The following LRRTM2 variants were observed in gnomAD, a reference collection of about 807,000 sequenced individuals.
LRRTM2 encodes the protein leucine-rich repeat transmembrane neuronal protein 2.
A neutral mutation model predicts 40.7 loss-of-function variants in LRRTM2; 14 were observed. The observed-to-expected ratio is 0.34, with a 90% CI of 0.23 to 0.54. The LOEUF is 0.54. Among genes scored for constraint, LRRTM2 ranks in the 20% least tolerant of loss-of-function variants. LRRTM2 has a pLI of 0.92. For missense variants in LRRTM2, 468 were observed against 624.4 expected, an observed-to-expected ratio of 0.75 and a Z score of 2.67; for synonymous variants, 223 against 237.6, an observed-to-expected ratio of 0.94 and a Z score of 0.57.
rs1220214677 is a variant in LRRTM2 at position 138,870,080 on chromosome 5, A to G, written c.*2930T>C. 1.3e-5 allele frequency: 2 copies of G among 152,126 alleles called. No homozygotes were observed. Among genetic ancestry groups the G allele is most frequent in the Non-Finnish European group, 2.9e-5 (2 of 68,018 alleles). 9.4% of individuals were successfully genotyped at this position (152,126 alleles called of 1,614,324 possible). A position where few individuals can be genotyped will look rare whatever the true frequency, so the allele number is the denominator to read the frequency against. The stretch of plus-strand genomic sequence containing the variant: ...ATTATTTTTCTGGTTCTTAATGGTC[A>G]TTTTCCTCTAATCTTAAAAATAGAA... On this transcript the variant is annotated 3_prime_UTR_variant, in exon 2 of 2. Transcript: ENST00000274711.
In LRRTM2 at chr5:138,869,115, T is replaced by C. The variant is rs1358533775; in HGVS notation, c.*3895A>G. 1 of 150,840 alleles carries C rather than the reference T, an allele frequency of 6.6e-6. No individual in the cohort carries two copies. 9.3% of individuals were successfully genotyped at this position (150,840 alleles called of 1,614,324 possible). ...AACACAATGTATTTGGACTGTACTT[T>C]GAGTTTCCAGTCTCAGTGTTGATAG... On this transcript the variant is annotated 3_prime_UTR_variant, in exon 2 of 2. Coordinates refer to ENST00000274711, the MANE Select transcript of LRRTM2 (RefSeq NM_015564.3).
chr5:138,874,810 A>C lies in LRRTM2; in HGVS notation c.4+98T>G. 2 of 1,214,946 alleles carry C rather than the reference A, an allele frequency of 1.6e-6. No individual in the cohort carries two copies. Among genetic ancestry groups the C allele is most frequent in the Non-Finnish European group, 2.4e-6 (2 of 836,776 alleles). 75.3% of individuals were successfully genotyped at this position (1,214,946 alleles called of 1,614,324 possible). ...TTACCTAAACCTCAAAATCCAAAAT[A>C]TGATGGTGATTTCCCTCATAAAATG... On this transcript the variant is annotated intron_variant, in intron 1 of 1. Coordinates refer to ENST00000274711, the MANE Select transcript of LRRTM2 (RefSeq NM_015564.3). This position sits in a 1 kb window ranked among gnomAD's most constrained non-coding sequence, Gnocchi z 4.1.
rs1468899740 is a variant in LRRTM2, at chr5:138,874,893, A to G, written c.4+15T>C. The G allele has an allele frequency of 4.3e-6, 7 of 1,611,626 alleles. No individual in the cohort carries two copies. Among genetic ancestry groups the G allele is most frequent in the Non-Finnish European group, 5.9e-6 (7 of 1,178,604 alleles). ...CCTTGTTGAATGTACAAGACATATA[A>G]ATGCACAGACTTACCCATTCTTCTG... On this transcript the variant is annotated intron_variant, in intron 1 of 1. Transcript: ENST00000274711. This position sits in a 1 kb window ranked among gnomAD's most constrained non-coding sequence, Gnocchi z 4.1.
At position 138,874,521 on chromosome 5, in the gene LRRTM2, G is replaced by T; in HGVS notation, c.40C>A (p.Leu14Met). Reference sequence around the variant, plus strand: ...ATACTCATTGCATATATTGCTGCCAGCATAGGGGCCCCTAATGGCCACTTG... The same window carrying T: ...ATACTCATTGCATATATTGCTGCCATCATAGGGGCCCCTAATGGCCACTTG... ...HFKWPLGAPM[L>M]AAIYAMSMVL... Residue 14 changes from leucine to methionine, a missense_variant, in exon 2 of 2, where the codon CTG becomes ATG. By Grantham distance (15) the Leu-to-Met change is conservative. Coordinates refer to ENST00000274711, the MANE Select transcript of LRRTM2 (RefSeq NM_015564.3). This position sits in a 1 kb window ranked among gnomAD's most constrained non-coding sequence, Gnocchi z 4.1. 1 of 1,590,136 alleles carries T rather than the reference G, an allele frequency of 6.3e-7. No homozygotes were observed. Among genetic ancestry groups the T allele is most frequent in the Admixed American group, 1.8e-5 (1 of 56,994 alleles).
Position 138,873,844 on chromosome 5 carries a change from G to T in LRRTM2, c.717C>A (p.Asn239Lys). The T allele has an allele frequency of 6.2e-7, 1 of 1,614,024 alleles. No homozygotes were observed. Among genetic ancestry groups the T allele is most frequent in the Non-Finnish European group, 8.5e-7 (1 of 1,179,898 alleles). Residue 239 changes from asparagine (N) to lysine (K), a missense_variant, in exon 2 of 2, where the codon AAC (asparagine) becomes AAA (lysine). Asn to Lys is a moderately conservative substitution (Grantham distance 94, BLOSUM62 0). Transcript: ENST00000274711. This position sits in a 1 kb window ranked among gnomAD's most constrained non-coding sequence, Gnocchi z 6.1. ...SSLHTLFLQWNKISNLTCGME... is the reference protein window; with the variant it reads ...SSLHTLFLQWKKISNLTCGME... ...TCCCACATGTCAAGTTGCTGATTTT[G>T]TTCCATTGTAAGAAGAGCGTGTGCA...
In LRRTM2 at chr5:138,874,535, A is replaced by G. The variant is rs1751076934; in HGVS notation, c.26T>C (p.Leu9Ser). Reference protein sequence around the residue: MGLHFKWPLGAPMLAAIYA... With the variant: MGLHFKWPSGAPMLAAIYA... ...TATTGCTGCCAGCATAGGGGCCCCT[A>G]ATGGCCACTTGAAATGTAAGCCTGC... is the stretch of plus-strand genomic sequence containing the variant. Residue 9 changes from leucine (L) to serine (S), a missense_variant, in exon 2 of 2, where the codon TTA becomes TCA. Transcript: ENST00000274711. The surrounding 1 kb of genome is among the most constrained non-coding windows in gnomAD (Gnocchi z 4.1). The G allele has an allele frequency of 1.3e-6, 2 of 1,575,580 alleles. No homozygotes were observed. Among genetic ancestry groups the G allele is most frequent in the East Asian group, 2.3e-5 (1 of 43,728 alleles).
At position 138,874,210 on chromosome 5, in the gene LRRTM2, A is replaced by G; in HGVS notation, c.351T>C (p.Ser117=). Reference sequence around the variant, plus strand: ...TTGGCAAGTAAAATATTTTGTTGGAACTTAAGATTAATTCCTTAAGTTTAT... The same window carrying G: ...TTGGCAAGTAAAATATTTTGTTGGAGCTTAAGATTAATTCCTTAAGTTTAT... The part of the protein sequence containing the change: ...GLYKLKELIL[S]SNKIFYLPNT... The change falls in exon 2 of 2, where the codon AGT becomes AGC. Residue 117 remains serine (S), a synonymous_variant. Transcript: ENST00000274711. This position sits in a 1 kb window ranked among gnomAD's most constrained non-coding sequence, Gnocchi z 4.1. 2 of 1,613,986 alleles carry G rather than the reference A, an allele frequency of 1.2e-6. No individual in the cohort carries two copies. The highest frequency in any genetic ancestry group is 2.7e-5 in the African/African-American group (2 of 75,036).
Position 138,875,247 on chromosome 5 carries a change from G to T in LRRTM2, c.-336C>A. 3.0e-6 allele frequency: 1 copy of T among 334,746 alleles called. No individual in the cohort carries two copies. The highest frequency in any genetic ancestry group is 4.8e-6 in the Non-Finnish European group (1 of 207,854). The allele number at this position is 334,746 out of a possible 1,614,324, so 20.7% of individuals were successfully genotyped here. A position where few individuals can be genotyped will look rare whatever the true frequency, so the allele number is the denominator to read the frequency against. On this transcript the variant is annotated 5_prime_UTR_variant, in exon 1 of 2. Coordinates refer to ENST00000274711, the MANE Select transcript of LRRTM2 (RefSeq NM_015564.3). ...GTTCTCTTGGTCTTAACTTGTTGAT[G>T]GCAGATGGGTGGCTTGTTGCAGAGA...
rs1323165481 is a variant in LRRTM2, at chr5:138,874,168, T to C, written c.393A>G (p.Gln131=). Residue 131 remains glutamine (Q), a synonymous_variant, in exon 2 of 2, where the codon CAA becomes CAG. Coordinates refer to ENST00000274711, the MANE Select transcript of LRRTM2 (RefSeq NM_015564.3). The surrounding 1 kb of genome is among the most constrained non-coding windows in gnomAD (Gnocchi z 4.1). The part of the protein sequence containing the change: ...IFYLPNTTFT[Q]LINLQNLDLS... ...GGTCCAAATTTTGCAGGTTAATCAG[T>C]TGGGTAAAAGTTGTGTTTGGCAAGT... 3 of 1,613,886 alleles carry C rather than the reference T, an allele frequency of 1.9e-6. No individual in the cohort carries two copies. The highest frequency in any genetic ancestry group is 2.2e-5 in the South Asian group (2 of 91,074).
Position 138,875,037 on chromosome 5 carries a change from A to C in LRRTM2, c.-126T>G. 1.1e-6 allele frequency: 1 copy of C among 924,660 alleles called. No individual in the cohort carries two copies. Among genetic ancestry groups the C allele is most frequent in the East Asian group, 2.4e-5 (1 of 40,878 alleles). The allele number at this position is 924,660 out of a possible 1,614,324, so 57.3% of individuals were successfully genotyped here. The stretch of plus-strand genomic sequence containing the variant: ...CTGTTTTCTGTGTCCCAGGCTTTCC[A>C]AGTAAAATTGAATCCACCAGGACGA... On this transcript the variant is annotated 5_prime_UTR_variant, in exon 1 of 2. Transcript: ENST00000274711.
Position 138,869,811 on chromosome 5 carries a change from A to G in LRRTM2, c.*3199T>C, listed in dbSNP as rs1765171297. On this transcript the variant is annotated 3_prime_UTR_variant, in exon 2 of 2. Coordinates refer to ENST00000274711, the MANE Select transcript of LRRTM2 (RefSeq NM_015564.3). ...GAAATTAACTTAGGCACATTAAGAA[A>G]TTACATGTGTTAGTACAGATTTTTG... 1 of 152,650 alleles carries G rather than the reference A, an allele frequency of 6.6e-6. No homozygotes were observed. The highest frequency in any genetic ancestry group is 1.5e-5 in the Non-Finnish European group (1 of 68,036). 9.5% of individuals were successfully genotyped at this position (152,650 alleles called of 1,614,324 possible). A position where few individuals can be genotyped will look rare whatever the true frequency, so the allele number is the denominator to read the frequency against.
In LRRTM2 at chr5:138,873,724, A is replaced by G. The variant is rs748454528; in HGVS notation, c.837T>C (p.Leu279=). 1.3e-5 allele frequency: 21 copies of G among 1,613,910 alleles called. No homozygotes were observed. The South Asian group carries it at 2.3e-4, about 18-fold the overall frequency. Residue 279 remains leucine, a synonymous_variant, in exon 2 of 2, where the codon CTT becomes CTC. Transcript: ENST00000274711. The surrounding 1 kb of genome is among the most constrained non-coding windows in gnomAD (Gnocchi z 6.1). ...DLTVFETMPN[L]KILLMDNNKL... is the part of the protein sequence containing the mutation. ...TGTTGTTATCCATGAGGAGTATTTT[A>G]AGATTGGGCATCGTTTCAAACACTG...
rs983441359 is a variant in LRRTM2 at position 138,872,224 on chromosome 5, A to G, written c.*786T>C. ...CAATGACAGTTTAATGCTAGTTTAAAACAGTTGTCTAAATGCCACAAAAAT... is the reference window on the plus strand; with the variant it reads ...CAATGACAGTTTAATGCTAGTTTAAGACAGTTGTCTAAATGCCACAAAAAT... On this transcript the variant is annotated 3_prime_UTR_variant, in exon 2 of 2. Transcript: ENST00000274711. 3.3e-5 allele frequency: 5 copies of G among 152,654 alleles called. No individual in the cohort carries two copies. The highest frequency in any genetic ancestry group is 1.2e-4 in the African/African-American group (5 of 41,464). The allele number at this position is 152,654 out of a possible 1,614,324, so 9.5% of individuals were successfully genotyped here. A position where few individuals can be genotyped will look rare whatever the true frequency, so the allele number is the denominator to read the frequency against.
In LRRTM2 at chr5:138,872,143, T is replaced by G. The variant is rs536041613; in HGVS notation, c.*867A>C. The stretch of plus-strand genomic sequence containing the variant: ...TGTCTTGTTTATCTCCAAAATATCT[T>G]CTAAATCTTTTTTCACATATTAATG... On this transcript the variant is annotated 3_prime_UTR_variant, in exon 2 of 2. Coordinates refer to ENST00000274711, the MANE Select transcript of LRRTM2 (RefSeq NM_015564.3). 5 of 152,526 alleles carry G rather than the reference T, an allele frequency of 3.3e-5. No individual in the cohort carries two copies. The South Asian group carries it at 1.0e-3, about 32-fold the overall frequency. The allele number at this position is 152,526 out of a possible 1,614,324, so 9.4% of individuals were successfully genotyped here.
Position 138,873,082 on chromosome 5 carries a change from T to A in LRRTM2, c.1479A>T (p.Gly493=). 3 of 1,613,748 alleles carry A rather than the reference T, an allele frequency of 1.9e-6. No homozygotes were observed. Among genetic ancestry groups the A allele is most frequent in the Non-Finnish European group, 2.5e-6 (3 of 1,179,670 alleles). The change falls in exon 2 of 2, where the codon GGA becomes GGT. Residue 493 remains glycine (G), a synonymous_variant. Transcript: ENST00000274711. This position sits in a 1 kb window ranked among gnomAD's most constrained non-coding sequence, Gnocchi z 6.1. ...PYNEYEPTHE[G]PFIIINGYGQ... is the part of the protein sequence containing the mutation. ...CATAACCATTAATGATGATGAAGGG[T>A]CCTTCATGGGTGGGTTCATATTCAT...
rs750151529 is a variant in LRRTM2 at position 138,874,964 on chromosome 5, A to C, written c.-53T>G. On this transcript the variant is annotated 5_prime_UTR_variant, in exon 1 of 2. Transcript: ENST00000274711. The surrounding 1 kb of genome is among the most constrained non-coding windows in gnomAD (Gnocchi z 4.1). ...CAGTCGCGGTTGTTAGACTCAACGCAGTGAGTCTGTAAAAGGCTCTAACAT... is the reference window on the plus strand; with the variant it reads ...CAGTCGCGGTTGTTAGACTCAACGCCGTGAGTCTGTAAAAGGCTCTAACAT... 6.3e-7 allele frequency: 1 copy of C among 1,598,148 alleles called. No homozygotes were observed.
Position 138,869,253 on chromosome 5 carries a change from G to T in LRRTM2, c.*3757C>A, listed in dbSNP as rs1419666176. On this transcript the variant is annotated 3_prime_UTR_variant, in exon 2 of 2. Coordinates refer to ENST00000274711, the MANE Select transcript of LRRTM2 (RefSeq NM_015564.3). ...AGGTTTCCAAATGTTTGCAATAGCA[G>T]AATGAAAGCTTAAACAGTAATTTTC... 6.6e-6 allele frequency: 1 copy of T among 150,980 alleles called. No individual in the cohort carries two copies. The highest frequency in any genetic ancestry group is 1.5e-5 in the Non-Finnish European group (1 of 67,870). 9.4% of individuals were successfully genotyped at this position (150,980 alleles called of 1,614,324 possible). A position where few individuals can be genotyped will look rare whatever the true frequency, so the allele number is the denominator to read the frequency against.
rs1750527343 is a variant in LRRTM2 at position 138,870,933 on chromosome 5, C to G, written c.*2077G>C. The stretch of plus-strand genomic sequence containing the variant: ...GTCTGGTTTAACAAGAGACAAAATA[C>G]TCACCACTCGAGATCAACTGAATTG... On this transcript the variant is annotated 3_prime_UTR_variant, in exon 2 of 2. Coordinates refer to ENST00000274711, the MANE Select transcript of LRRTM2 (RefSeq NM_015564.3). 6.6e-6 allele frequency: 1 copy of G among 152,282 alleles called. No individual in the cohort carries two copies. The highest frequency in any genetic ancestry group is 1.5e-5 in the Non-Finnish European group (1 of 68,030). 9.4% of individuals were successfully genotyped at this position (152,282 alleles called of 1,614,324 possible).
rs1468631418 is a variant in LRRTM2 at position 138,874,375 on chromosome 5, G to A, written c.186C>T (p.Gly62=). Residue 62 remains glycine, a synonymous_variant, in exon 2 of 2, where the codon GGC becomes GGT. Transcript: ENST00000274711. The surrounding 1 kb of genome is among the most constrained non-coding windows in gnomAD (Gnocchi z 4.1). ...TGTGCCTCAGGGACAGGCCCAGAGAGCCCTTGTCTGTGGCGTTTGGCACTG... is the reference window on the plus strand; with the variant it reads ...TGTGCCTCAGGGACAGGCCCAGAGAACCCTTGTCTGTGGCGTTTGGCACTG... The part of the protein sequence containing the change: ...FHSVPNATDK[G]SLGLSLRHNH... 1.2e-6 allele frequency: 2 copies of A among 1,613,888 alleles called. No individual in the cohort carries two copies. The highest frequency in any genetic ancestry group is 1.7e-6 in the Non-Finnish European group (2 of 1,179,904).
Sources: gnomAD v4.1 joint callset for allele counts on GRCh38, gnomAD v4.1.1 for gene constraint, Gnocchi (gnomAD v3.1) non-coding constraint, MANE v1.5 for transcripts, NCBI Gene and HGNC (gene_info 2026-07-23, HGNC 2026-07-21) for gene names.